The following GULP1 variants were observed in gnomAD, a reference collection of about 807,000 sequenced individuals.
GULP1 encodes the protein GULP PTB domain containing engulfment adaptor 1.
GULP1 carries 19 observed loss-of-function variants against 40.9 expected under a neutral mutation model. The observed-to-expected ratio is 0.46, with a 90% confidence interval of 0.32 to 0.68. The LOEUF (loss-of-function observed/expected upper bound fraction) is 0.68, where lower values mean the gene tolerates loss of function less well. Ranked by LOEUF, GULP1 falls within the 30% of genes least tolerant of loss-of-function variation. GULP1 has a pLI of 0.03. For missense variants in GULP1, 312 were observed against 362.2 expected, an observed-to-expected ratio of 0.86 and a Z score of 1.12; for synonymous variants, 119 against 117.6, an observed-to-expected ratio of 1.01 and a Z score of -0.08.
intron 2 of GULP1, among the ~76,000 whole-genome samples, chr2:188,449,561 G>A (rs1285541357): frequency 6.6e-6 from 1 of 152,200 alleles, no homozygotes. Context: ...GATGGCATGA[G>A]CATTGTGAGA....
intron 9 of GULP1, among the ~76,000 whole-genome samples, chr2:188,580,378 C>G (rs951045177): frequency 1.1e-4 from 17 of 151,668 alleles, no homozygotes; most frequent in African/African-American, 4.1e-4. Context: ...ACGGTGAAAC[C>G]CCGTCTCTAC....
intron 2 of GULP1, among the ~76,000 whole-genome samples, chr2:188,460,893 TG>T (rs1476348584): frequency 1.3e-5 from 2 of 152,202 alleles, no homozygotes; most frequent in East Asian, 3.8e-4. Context: ...TTGCAATGAT[TG>T]TATGGTTTTT....
At chr2:188,395,854 T>C (rs2152570554) in intron 2 of GULP1, among the ~76,000 whole-genome samples, 1 of 152,264 alleles carries the variant, frequency 6.6e-6, no homozygotes, top group African/African-American at 2.4e-5. Context: ...GTGCCAGCTC[T>C]GGTGGGGGTA....
chr2:188,352,710 A>T (rs1559141135), intron 1 of GULP1, among the ~76,000 whole-genome samples: 1 of 151,600 alleles, frequency 6.6e-6, no homozygotes, highest in Non-Finnish European at 1.5e-5. Flanking sequence ...ATACATTTAA[A>T]CTTATGTGTA....
chr2:188,578,721 C>T (rs758974051), intron 9 of GULP1, among the ~76,000 whole-genome samples: 1 of 151,996 alleles, frequency 6.6e-6, no homozygotes, highest in East Asian at 1.9e-4. Context: ...GACCAAAACA[C>T]CTGGAACTAC....
chr2:188,405,103 C>T (rs757349231), intron 2 of GULP1, among the ~76,000 whole-genome samples: 4 of 152,166 alleles, frequency 2.6e-5, no homozygotes, highest in Non-Finnish European at 5.9e-5. Flanking sequence ...TGGACCTAGG[C>T]TCCAGAACTG....
intron 5 of GULP1, among the ~76,000 whole-genome samples, chr2:188,528,245 A>G (rs1020389924): frequency 2.0e-5 from 3 of 152,118 alleles, no homozygotes; most frequent in African/African-American, 7.2e-5. Context: ...TAAATACTAT[A>G]TATATGTTGT....
At chr2:188,395,750 C>CA (rs1421373290) in intron 2 of GULP1, among the ~76,000 whole-genome samples, 1 of 152,134 alleles carries the variant, frequency 6.6e-6, no homozygotes, top group Non-Finnish European at 1.5e-5. Context: ...TCTAGCCACC[C>CA]AATGGGGCTG....
chr2:188,564,696 G>A (rs1232150372), intron 7 of GULP1, among the ~76,000 whole-genome samples: 4 of 151,866 alleles, frequency 2.6e-5, no homozygotes, highest in African/African-American at 9.7e-5. Flanking sequence ...CAATGGGATT[G>A]TTAGTAAAAA....
chr2:188,554,908 A>G lies in GULP1; in HGVS notation c.399+13590A>G, dbSNP rs540737347. On this transcript the variant is annotated intron_variant, in intron 7 of 11. Coordinates refer to ENST00000409830, the MANE Select transcript of GULP1 (RefSeq NM_016315.4). Reference sequence around the variant, plus strand: ...TTATCATTATATAATGACCTTTTCCATCTTTTTAGAACTGTTTTTGGCTTA... The same window carrying G: ...TTATCATTATATAATGACCTTTTCCGTCTTTTTAGAACTGTTTTTGGCTTA... Among the ~76,000 whole-genome samples the G allele has an allele frequency of 5.9e-5, 9 of 151,956 alleles. No homozygotes were observed. In the East Asian group the frequency reaches 1.7e-3, roughly 29 times the overall value.
At chr2:188,414,662 C>T (rs2054352395) in intron 2 of GULP1, among the ~76,000 whole-genome samples, 1 of 152,126 alleles carries the variant, frequency 6.6e-6, no homozygotes, top group Non-Finnish European at 1.5e-5. Flanking sequence ...TACTATTAAT[C>T]ATTAAAGGAG....
intron 9 of GULP1, among the ~76,000 whole-genome samples, chr2:188,572,290 C>A (rs1049543617): frequency 6.6e-6 from 1 of 152,038 alleles, no homozygotes; most frequent in Non-Finnish European, 1.5e-5. Context: ...ATTAGTAGAG[C>A]CAGTTATATA....
At chr2:188,530,583 G>C (rs1687277954) in intron 6 of GULP1, among the ~76,000 whole-genome samples, 1 of 152,094 alleles carries the variant, frequency 6.6e-6, no homozygotes, top group African/African-American at 2.4e-5. Context: ...AAAAGAGGAA[G>C]AGACACCAGG....
chr2:188,436,704 T>G (rs1189180697), intron 2 of GULP1, among the ~76,000 whole-genome samples: 1 of 152,128 alleles, frequency 6.6e-6, no homozygotes, highest in Admixed American at 6.6e-5. Flanking sequence ...GTGCACTAAT[T>G]TAACAGGTAG....
At chr2:188,409,810 A>G (rs1184696364) in intron 2 of GULP1, among the ~76,000 whole-genome samples, 4 of 152,316 alleles carry the variant, frequency 2.6e-5, no homozygotes, top group South Asian at 2.1e-4. Flanking sequence ...TTCAACATAT[A>G]CGCATGTAAT....
intron 1 of GULP1, among the ~76,000 whole-genome samples, chr2:188,352,185 T>G (rs1239933219): frequency 6.6e-6 from 1 of 152,204 alleles, no homozygotes; most frequent in Non-Finnish European, 1.5e-5. Flanking sequence ...TGGATGTTTC[T>G]GTGAGGGTGT....
At chr2:188,357,494 T>C (rs2045499459) in intron 1 of GULP1, among the ~76,000 whole-genome samples, 1 of 152,114 alleles carries the variant, frequency 6.6e-6, no homozygotes, top group African/African-American at 2.4e-5. Context: ...AAAACTATGA[T>C]GAGATGATAA....
chr2:188,437,382 A>C (rs537562916), intron 2 of GULP1, among the ~76,000 whole-genome samples: 21 of 152,224 alleles, frequency 1.4e-4, no homozygotes, highest in Admixed American at 1.4e-3. Context: ...TTCTATTTAG[A>C]GGTGAAAAAG....
chr2:188,383,313 C>T (rs1002720614), intron 1 of GULP1, among the ~76,000 whole-genome samples: 9 of 152,108 alleles, frequency 5.9e-5, no homozygotes, highest in African/African-American at 1.9e-4. Flanking sequence ...AATGCCTTGC[C>T]GTAAGAGTCA....
Sources: gnomAD v4.1 joint callset for allele counts (sites outside exome capture counted in the v4.1 genomes callset) on GRCh38, gnomAD v4.1.1 for gene constraint, MANE v1.5 for transcripts, NCBI Gene and HGNC (gene_info 2026-07-23, HGNC 2026-07-21) for gene names.